STYX: variants seen among roughly 807,000 people sequenced by gnomAD.
The protein encoded by STYX is serine/threonine/tyrosine interacting protein.
In STYX, 20 loss-of-function variants were observed where a neutral mutation model predicts 42.7. The observed-to-expected ratio is 0.47, with a 90% CI of 0.33 to 0.68. The LOEUF (loss-of-function observed/expected upper bound fraction) is 0.68, where lower values mean the gene tolerates loss of function less well. Ranked by LOEUF, STYX falls within the 30% of genes least tolerant of loss-of-function variation. The pLI is 0.02. For synonymous variants in STYX, 78 were observed against 81.9 expected (o/e 0.95, Z 0.26); for missense variants, 226 against 268.5 (o/e 0.84, Z 1.11).
Position 52,738,736 on chromosome 14 carries a change from C to T in STYX, c.58-6116C>T, listed in dbSNP as rs565095422. On this transcript the variant is annotated intron_variant, in intron 1 of 10. Transcript: ENST00000354586. The stretch of plus-strand genomic sequence containing the variant: ...TGAACTCCTGTTACCTACCTAAGGA[C>T]AGATCCTCCAAAAGAAGCTCAGTTT... Among the ~76,000 whole-genome samples the T allele has an allele frequency of 1.6e-4, 25 of 152,296 alleles. 1 individual carries two copies. The South Asian group carries it at 5.2e-3, about 32-fold the overall frequency.
intron 4 of STYX, among the ~76,000 whole-genome samples, chr14:52,753,570 T>G (rs1294064386): frequency 6.6e-6 from 1 of 152,156 alleles, no homozygotes; most frequent in East Asian, 1.9e-4. Flanking sequence ...CCTCAGATGC[T>G]CAAGTCCCTT....
chr14:52,736,929 G>A (rs1048188437), intron 1 of STYX, among the ~76,000 whole-genome samples: 5 of 152,082 alleles, frequency 3.3e-5, no homozygotes, highest in Admixed American at 6.6e-5. Flanking sequence ...GCTTGGTGTG[G>A]GAATGAAAGG....
chr14:52,758,372 T>C (rs1044482906), intron 8 of STYX, among the ~76,000 whole-genome samples: 9 of 152,132 alleles, frequency 5.9e-5, no homozygotes, highest in African/African-American at 2.2e-4. Flanking sequence ...TAGGGGGTGG[T>C]AATGAGCTTC....
intron 9 of STYX, among the ~76,000 whole-genome samples, chr14:52,764,793 C>G (rs1346713233): frequency 2.0e-5 from 3 of 151,116 alleles, no homozygotes; most frequent in African/African-American, 7.3e-5. Context: ...CTCAGCCTCC[C>G]GAGTAGCTGG....
chr14:52,769,578 C>G (rs1432004533), intron 10 of STYX, among the ~76,000 whole-genome samples: 1 of 152,144 alleles, frequency 6.6e-6, no homozygotes, highest in Non-Finnish European at 1.5e-5. Flanking sequence ...TTGCACTCTA[C>G]TGCACTGCCC....
intron 4 of STYX, among the ~76,000 whole-genome samples, chr14:52,755,439 A>C (rs1881825217): frequency 6.6e-6 from 1 of 152,072 alleles, no homozygotes; most frequent in South Asian, 2.1e-4. Context: ...TCTCTGTATT[A>C]AAGTCCTGAA....
At chr14:52,734,408 G>GGT (rs370693313) in intron 1 of STYX, among the ~76,000 whole-genome samples, 27 of 151,896 alleles carry the variant, frequency 1.8e-4, no homozygotes, top group African/African-American at 3.6e-4. Context: ...CTCCCATAGA[G>GGT]GTGTGTGTGT....
chr14:52,770,377 C>A (rs1037105973), intron 10 of STYX, among the ~76,000 whole-genome samples: 5 of 151,960 alleles, frequency 3.3e-5, no homozygotes, highest in Non-Finnish European at 7.4e-5. Context: ...CACAGCAGAC[C>A]CTCTGCTGGT....
At chr14:52,763,490 C>G (rs1177791023) in intron 9 of STYX, among the ~76,000 whole-genome samples, 1 of 152,044 alleles carries the variant, frequency 6.6e-6, no homozygotes, top group Non-Finnish European at 1.5e-5. Context: ...ATTAATTATC[C>G]TCTTTGCATT....
chr14:52,766,603 C>T (rs1412957990), intron 9 of STYX, among the ~76,000 whole-genome samples: 1 of 152,140 alleles, frequency 6.6e-6, no homozygotes, highest in Non-Finnish European at 1.5e-5. Context: ...CCACTATATC[C>T]GGCCAAGATG....
At chr14:52,750,390 G>T (rs550444852) in intron 3 of STYX, among the ~76,000 whole-genome samples, 3 of 152,122 alleles carry the variant, frequency 2.0e-5, no homozygotes, top group African/African-American at 4.8e-5. Flanking sequence ...CACTTGCTGT[G>T]TGTCCCAGGT....
At position 52,771,764 on chromosome 14, in the gene STYX, TTTC is replaced by T. The variant is rs765315025; in HGVS notation, c.*661_*663del. On this transcript the variant is annotated 3_prime_UTR_variant, in exon 11 of 11. Coordinates refer to ENST00000354586, the MANE Select transcript of STYX (RefSeq NM_145251.4). Reference sequence around the variant, plus strand: ...TTAACTTGATCTAATTATTGCTTCCTTTCTTATTACTTTCCTAATTTTTCTATA... The same window carrying T: ...TTAACTTGATCTAATTATTGCTTCCTTTATTACTTTCCTAATTTTTCTATA... 2.0e-5 allele frequency: 3 copies of T among 152,504 alleles called. No homozygotes were observed. The highest frequency in any genetic ancestry group is 1.9e-4 in the East Asian group (1 of 5,202). The allele number at this position is 152,504 out of a possible 1,614,324, so 9.4% of individuals were successfully genotyped here.
Position 52,730,273 on chromosome 14 carries a change from C to G in STYX, c.-202C>G. The G allele has an allele frequency of 1.7e-6, 1 of 590,512 alleles. No homozygotes were observed. Among genetic ancestry groups the G allele is most frequent in the South Asian group, 2.0e-5 (1 of 50,700 alleles). 36.6% of individuals were successfully genotyped at this position (590,512 alleles called of 1,614,324 possible). A position where few individuals can be genotyped will look rare whatever the true frequency, so the allele number is the denominator to read the frequency against. ...GGCGGCCGGGTGTAAGACGCCCGAC[C>G]CTCCTCTTCCCTGTCTTCGCCGCCG... On this transcript the variant is annotated 5_prime_UTR_variant, in exon 1 of 11. Transcript: ENST00000354586.
intron 10 of STYX, 119 bp from the exon 11 acceptor site, chr14:52,770,914 T>C (rs1197052935): frequency 8.1e-6 from 5 of 620,218 alleles, no homozygotes; most frequent in Non-Finnish European, 1.3e-5. Flanking sequence ...TTTTGCTATA[T>C]CAGTTGTGGA....
chr14:52,741,561 C>T, intron 1 of STYX, among the ~76,000 whole-genome samples: 1 of 152,078 alleles, frequency 6.6e-6, no homozygotes, highest in Non-Finnish European at 1.5e-5. Flanking sequence ...CCTCAGCCTC[C>T]CGGGTAGCTG....
At chr14:52,762,869 TCTTTCTTTCTTTC>T (rs1467241523) in intron 9 of STYX, among the ~76,000 whole-genome samples, 2 of 119,848 alleles carry the variant, frequency 1.7e-5, no homozygotes, top group Admixed American at 8.9e-5. Flanking sequence ...TTTCTTTCTT[TCTTTCTTTCTTTC>T]TTTTTTTTTT....
intron 10 of STYX, among the ~76,000 whole-genome samples, chr14:52,769,660 C>T (rs1344206111): frequency 6.6e-6 from 1 of 152,042 alleles, no homozygotes; most frequent in Non-Finnish European, 1.5e-5. Context: ...TTTTCATTTC[C>T]TTTGCCACAT....
chr14:52,753,563 C>G (rs1207676575), intron 4 of STYX, among the ~76,000 whole-genome samples: 2 of 152,154 alleles, frequency 1.3e-5, no homozygotes, highest in Non-Finnish European at 2.9e-5. Flanking sequence ...ACAAAATCCT[C>G]AGATGCTCAA....
At chr14:52,749,693 C>T (rs1030583771) in intron 3 of STYX, among the ~76,000 whole-genome samples, 7 of 152,186 alleles carry the variant, frequency 4.6e-5, no homozygotes, top group Non-Finnish European at 1.0e-4. Context: ...AAACTTATCA[C>T]TAGCAAATGA....
Sources: allele counts gnomAD v4.1 joint callset (sites outside exome capture counted in the v4.1 genomes callset), GRCh38; gene constraint gnomAD v4.1.1; transcripts MANE v1.5; gene names NCBI Gene and HGNC (gene_info 2026-07-23, HGNC 2026-07-21).